LIFR: variants seen among roughly 807,000 people sequenced by gnomAD.
The protein encoded by LIFR is LIF receptor subunit alpha.
Under a neutral mutation model 122.2 loss-of-function variants are expected in LIFR, and 84 were observed. The ratio of observed to expected loss-of-function variants is 0.69; its 90% confidence interval spans 0.58 to 0.82. The LOEUF (loss-of-function observed/expected upper bound fraction) is 0.82, where lower values mean the gene tolerates loss of function less well. Ranked by LOEUF, LIFR falls within the 40% of genes least tolerant of loss-of-function variation. The pLI, the probability that LIFR is intolerant of heterozygous loss-of-function variation, is 0.00. For synonymous variants in LIFR, 422 were observed against 434.7 expected (o/e 0.97, Z 0.36); for missense variants, 1,294 against 1,311.6 (o/e 0.99, Z 0.21).
chr5:38,479,291 T>G lies in LIFR; in HGVS notation c.*2304A>C, dbSNP rs1001618372. ...TTGCCCAGACTTAATAGCGTTACTC[T>G]GCTTCTCATTAAGCTAGTGATCCTC... On this transcript the variant is annotated 3_prime_UTR_variant, in exon 20 of 20. Coordinates refer to ENST00000453190, the MANE Select transcript of LIFR (RefSeq NM_001127671.2). 4.3e-6 allele frequency: 1 copy of G among 231,792 alleles called. No individual in the cohort carries two copies. Among genetic ancestry groups the G allele is most frequent in the African/African-American group, 2.2e-5 (1 of 45,292 alleles). 14.4% of individuals were successfully genotyped at this position (231,792 alleles called of 1,614,324 possible).
chr5:38,511,234 C>T (rs987283311), intron 6 of LIFR, among the ~76,000 whole-genome samples: 5 of 152,182 alleles, frequency 3.3e-5, no homozygotes, highest in African/African-American at 9.7e-5. Flanking sequence ...CTTCCTTCCT[C>T]TAATCCTTTT....
chr5:38,514,014 T>C (rs1186587970), intron 5 of LIFR, among the ~76,000 whole-genome samples: 1 of 151,902 alleles, frequency 6.6e-6, no homozygotes, highest in African/African-American at 2.4e-5. Context: ...AAAAACTGGA[T>C]ACATTAAAAA....
intron 4 of LIFR, among the ~76,000 whole-genome samples, chr5:38,523,845 C>T (rs527827761): frequency 1.3e-5 from 2 of 152,176 alleles, no homozygotes; most frequent in African/African-American, 2.4e-5. Context: ...GAAAGGGAAA[C>T]GACTAATATT....
rs769294023 is a variant in LIFR at position 38,506,544 on chromosome 5, C to T, written c.1080G>A (p.Ala360=). 98 of 1,613,934 alleles carry T rather than the reference C, an allele frequency of 6.1e-5. No homozygotes were observed. The highest frequency in any genetic ancestry group is 1.6e-4 in the Middle Eastern group (1 of 6,084). The part of the protein sequence containing the change: ...ICSWNPGRVT[A]LVGPRATSYT... ...AGCTTGTAGCACGTGGGCCCACCAA[C>T]GCTGTCACCCTTCCTGGATTCCAAC... is the stretch of plus-strand genomic sequence containing the variant. The change falls in exon 8 of 20, where the codon GCG becomes GCA. Residue 360 remains alanine, a synonymous_variant. Transcript: ENST00000453190.
chr5:38,602,088 T>C (rs1489973061), intron 2 of LIFR, among the ~76,000 whole-genome samples: 1 of 152,224 alleles, frequency 6.6e-6, no homozygotes, highest in African/African-American at 2.4e-5. Flanking sequence ...TTTATCATTT[T>C]TCACCTGGAT....
chr5:38,519,230 T>C (rs1027903160), intron 5 of LIFR, among the ~76,000 whole-genome samples: 1 of 152,218 alleles, frequency 6.6e-6, no homozygotes, highest in Non-Finnish European at 1.5e-5. Context: ...AGTCATGTCC[T>C]AGGCCCTCAA....
chr5:38,526,636 A>G (rs555382912), intron 4 of LIFR, among the ~76,000 whole-genome samples: 21 of 152,226 alleles, frequency 1.4e-4, no homozygotes, highest in Admixed American at 4.6e-4. Flanking sequence ...TGATGTATCC[A>G]TCTCCTCCGT....
At chr5:38,511,216 C>G (rs1039428758) in intron 6 of LIFR, among the ~76,000 whole-genome samples, 1 of 152,196 alleles carries the variant, frequency 6.6e-6, no homozygotes, top group African/African-American at 2.4e-5. Context: ...TTACTTTAAT[C>G]TAGTCCCCTT....
At chr5:38,585,765 G>A (rs544299215) in intron 1 of LIFR, among the ~76,000 whole-genome samples, 1 of 151,934 alleles carries the variant, frequency 6.6e-6, no homozygotes, top group African/African-American at 2.4e-5. Flanking sequence ...AGCTCATATG[G>A]CTATCTACTT....
intron 1 of LIFR, among the ~76,000 whole-genome samples, chr5:38,572,631 G>A (rs937080140): frequency 6.6e-6 from 1 of 152,148 alleles, no homozygotes; most frequent in Non-Finnish European, 1.5e-5. Flanking sequence ...GGGCCTGAAG[G>A]GGGGTCAGAA....
At chr5:38,559,151 T>G (rs1748736025), upstream of LIFR, 1 of 152,228 alleles carries the variant, frequency 6.6e-6, no homozygotes, top group South Asian at 2.1e-4. Flanking sequence ...ACAGAAGACC[T>G]GCCTTCCATG....
chr5:38,503,631 TCA>T lies in LIFR; in HGVS notation c.1437+343_1437+344del, dbSNP rs374033988. ...TACAGCTTGTTCCCACTGCCACACT[TCA>T]CAGTTTTAAAAAATCACTTCTGCTG... On this transcript the variant is annotated intron_variant, in intron 10 of 19. Coordinates refer to ENST00000453190, the MANE Select transcript of LIFR (RefSeq NM_001127671.2). Among the ~76,000 whole-genome samples the T allele has an allele frequency of 6.0e-3, 908 of 152,270 alleles. 3 individuals carry two copies. The highest frequency in any genetic ancestry group is 0.02 in the African/African-American group (817 of 41,556).
chr5:38,558,251 G>T (rs1748689258), upstream of LIFR: 1 of 152,056 alleles, frequency 6.6e-6, no homozygotes, highest in Non-Finnish European at 1.5e-5. Context: ...AGGCAAAAAG[G>T]CCTAGAGCCC....
intron 11 of LIFR, 104 bp from the exon 12 acceptor site, chr5:38,499,687 A>T: frequency 2.4e-6 from 2 of 834,470 alleles, no homozygotes; most frequent in Non-Finnish European, 4.1e-6. Context: ...TAAAACGTGA[A>T]GCAGTTCAGT....
At position 38,530,666 on chromosome 5, in the gene LIFR, C is replaced by G. The variant is rs2112571693; in HGVS notation, c.-19G>C. 2 of 1,613,398 alleles carry G rather than the reference C, an allele frequency of 1.2e-6. No individual in the cohort carries two copies. Among genetic ancestry groups the G allele is most frequent in the South Asian group, 1.1e-5 (1 of 91,062 alleles). ...CCATCATCTGTGCAATGCAGTCAGT[C>G]CTAGGTTAGGAGAGGAATTCCAGAT... On this transcript the variant is annotated splice_region_variant and 5_prime_UTR_variant, in exon 2 of 20. Coordinates refer to ENST00000453190, the MANE Select transcript of LIFR (RefSeq NM_001127671.2).
chr5:38,499,156 A>G (rs1011281928), intron 12 of LIFR, among the ~76,000 whole-genome samples: 13 of 152,230 alleles, frequency 8.5e-5, no homozygotes, highest in Non-Finnish European at 1.8e-4. Context: ...CACATGAAGT[A>G]TATAAAAATT....
intron 1 of LIFR, among the ~76,000 whole-genome samples, chr5:38,541,283 T>C (rs966014261): frequency 1.3e-5 from 2 of 152,144 alleles, no homozygotes; most frequent in Non-Finnish European, 2.9e-5. Flanking sequence ...AGAAATAAAA[T>C]CCTACAGACA....
At chr5:38,608,266 C>T (rs1476865834) in exon 1 of LIFR, 1 of 152,018 alleles carries the variant, frequency 6.6e-6, no homozygotes, top group Non-Finnish European at 1.5e-5. Flanking sequence ...GGGTTTCCTG[C>T]TTATCTCCAA....
intron 18 of LIFR, among the ~76,000 whole-genome samples, chr5:38,483,558 T>G (rs1264980148): frequency 6.6e-6 from 1 of 152,056 alleles, no homozygotes; most frequent in African/African-American, 2.4e-5. Flanking sequence ...GCCTCCTAAG[T>G]AGCTGGGATT....
Sources: allele counts gnomAD v4.1 joint callset (sites outside exome capture counted in the v4.1 genomes callset), GRCh38; gene constraint gnomAD v4.1.1; transcripts MANE v1.5; gene names NCBI Gene and HGNC (gene_info 2026-07-23, HGNC 2026-07-21).